SYNPO2: variants seen among roughly 807,000 people sequenced by gnomAD.
The protein encoded by SYNPO2 is synaptopodin 2, also known as synaptopodin-2.
A neutral mutation model predicts 85.0 loss-of-function variants in SYNPO2; 56 were observed. That is an observed-to-expected ratio of 0.66 (90% CI 0.53 to 0.82). The LOEUF (loss-of-function observed/expected upper bound fraction) is 0.82, where lower values mean the gene tolerates loss of function less well. SYNPO2 is among the 40% of genes least tolerant of loss of function. SYNPO2 has a pLI of 0.00. For synonymous variants in SYNPO2, 602 were observed against 591.1 expected (o/e 1.02, Z -0.27); for missense variants, 1,575 against 1,534.2 (o/e 1.03, Z -0.44).
chr4:118,991,058 A>G (rs1337569713), intron 1 of SYNPO2, among the ~76,000 whole-genome samples: 1 of 152,196 alleles, frequency 6.6e-6, no homozygotes. Context: ...TGCAGCTAAT[A>G]CCATCAGTTC....
At chr4:118,992,106 A>T (rs574683876) in intron 1 of SYNPO2, among the ~76,000 whole-genome samples, 1 of 152,310 alleles carries the variant, frequency 6.6e-6, no homozygotes, top group Admixed American at 6.5e-5. Flanking sequence ...CTAGGGAGGT[A>T]GGTGGAGGTC....
intron 1 of SYNPO2, among the ~76,000 whole-genome samples, chr4:118,894,456 A>G (rs916117397): frequency 6.6e-6 from 1 of 152,032 alleles, no homozygotes; most frequent in Non-Finnish European, 1.5e-5. Context: ...GGAGACTAGC[A>G]GTTTATTTCC....
chr4:119,010,249 A>T (rs1737239694), intron 1 of SYNPO2, among the ~76,000 whole-genome samples: 1 of 152,160 alleles, frequency 6.6e-6, no homozygotes, highest in Non-Finnish European at 1.5e-5. Context: ...CTGTTTTCAC[A>T]CTGCTGATAA....
chr4:119,008,864 A>C (rs1476033254), intron 1 of SYNPO2, among the ~76,000 whole-genome samples: 4 of 152,150 alleles, frequency 2.6e-5, no homozygotes, highest in African/African-American at 9.7e-5. Flanking sequence ...CATATTATTT[A>C]CAACTAATTT....
intron 1 of SYNPO2, among the ~76,000 whole-genome samples, chr4:118,909,571 T>C (rs1331923024): frequency 6.6e-6 from 1 of 152,198 alleles, no homozygotes; most frequent in African/African-American, 2.4e-5. Flanking sequence ...TGGAAGGGTG[T>C]TTTCCCACTC....
intron 1 of SYNPO2, among the ~76,000 whole-genome samples, chr4:118,893,304 C>T (rs1286777344): frequency 6.6e-6 from 1 of 152,118 alleles, no homozygotes; most frequent in Non-Finnish European, 1.5e-5. Flanking sequence ...ATAAAATATT[C>T]ATTATGCATG....
intron 1 of SYNPO2, among the ~76,000 whole-genome samples, chr4:119,002,429 T>A (rs1029339349): frequency 1.3e-5 from 2 of 152,102 alleles, no homozygotes; most frequent in South Asian, 2.1e-4. Context: ...CCTGGCTAAT[T>A]TTTGTATTGT....
At chr4:118,976,357 T>C (rs1346042131) in intron 1 of SYNPO2, among the ~76,000 whole-genome samples, 2 of 152,138 alleles carry the variant, frequency 1.3e-5, no homozygotes, top group African/African-American at 2.4e-5. Flanking sequence ...CTGCAGATCT[T>C]CGCGGTGAGT....
At chr4:118,961,461 T>C (rs1413012294) in intron 1 of SYNPO2, among the ~76,000 whole-genome samples, 1 of 152,152 alleles carries the variant, frequency 6.6e-6, no homozygotes, top group African/African-American at 2.4e-5. Flanking sequence ...AAACATACTT[T>C]TCCTAAATCT....
At chr4:118,935,393 G>T (rs1734066363) in intron 1 of SYNPO2, among the ~76,000 whole-genome samples, 1 of 152,150 alleles carries the variant, frequency 6.6e-6, no homozygotes, top group East Asian at 1.9e-4. Context: ...GGGCTTAATT[G>T]CTTAATTTTT....
At chr4:118,884,427 T>C (rs187035688), upstream of SYNPO2, among the ~76,000 whole-genome samples, 1 of 152,214 alleles carries the variant, frequency 6.6e-6, no homozygotes, top group Non-Finnish European at 1.5e-5. Flanking sequence ...GATTGGAGCA[T>C]ACATGAATTA....
rs1739252615 is a variant in SYNPO2, at chr4:119,057,617, G to T, written c.3469G>T (p.Val1157Leu). 1 of 1,614,128 alleles carries T rather than the reference G, an allele frequency of 6.2e-7. No homozygotes were observed. The highest frequency in any genetic ancestry group is 8.5e-7 in the Non-Finnish European group (1 of 1,180,022). The change falls in exon 5 of 5, where the codon GTG becomes TTG. Residue 1157 changes from valine (V) to leucine (L), a missense_variant. Coordinates refer to ENST00000307142, the MANE Select transcript of SYNPO2 (RefSeq NM_133477.3). Reference protein sequence around the residue: ...FQPRNIQESIVANVVSAARRK... With the variant: ...FQPRNIQESILANVVSAARRK... Reference sequence around the variant, plus strand: ...ACCCAGAAACATCCAGGAATCCATTGTGGCAAATGTGGTTTCAGCAGCTCG... The same window carrying T: ...ACCCAGAAACATCCAGGAATCCATTTTGGCAAATGTGGTTTCAGCAGCTCG...
intron 1 of SYNPO2, among the ~76,000 whole-genome samples, chr4:118,978,066 T>C (rs1442965798): frequency 6.6e-6 from 1 of 152,216 alleles, no homozygotes; most frequent in Non-Finnish European, 1.5e-5. Flanking sequence ...AATTTGTGGA[T>C]TGGGAATTTT....
At chr4:118,976,552 G>A (rs984244475) in intron 1 of SYNPO2, among the ~76,000 whole-genome samples, 9 of 152,110 alleles carry the variant, frequency 5.9e-5, no homozygotes, top group Admixed American at 5.2e-4. Context: ...TGGTAGAGCC[G>A]AGTGGCCTGT....
In SYNPO2 at chr4:119,031,898, C is replaced by A; in HGVS notation, c.3123C>A (p.Ser1041=). The change falls in exon 4 of 5, where the codon TCC becomes TCA. Residue 1041 remains serine (S), a synonymous_variant. Coordinates refer to ENST00000307142, the MANE Select transcript of SYNPO2 (RefSeq NM_133477.3). ...CTCCTTCCTTCTTTGCAGAGGCCTC[C>A]TCACCAGTCAGTGCATCCCCAGTGC... is the stretch of plus-strand genomic sequence containing the variant. ...TSPPSFFAEA[S]SPVSASPVPV... 6.2e-7 allele frequency: 1 copy of A among 1,614,230 alleles called. No homozygotes were observed.
At chr4:118,955,621 A>G (rs573428084) in intron 1 of SYNPO2, among the ~76,000 whole-genome samples, 1 of 152,334 alleles carries the variant, frequency 6.6e-6, no homozygotes, top group South Asian at 2.1e-4. Flanking sequence ...GAGCCGAAAT[A>G]TACAAAGCAT....
chr4:118,997,012 G>A (rs1277594269), intron 1 of SYNPO2, among the ~76,000 whole-genome samples: 1 of 151,612 alleles, frequency 6.6e-6, no homozygotes, highest in African/African-American at 2.4e-5. Flanking sequence ...AGGCCGAGGC[G>A]GGCGGATCAC....
intron 2 of SYNPO2, among the ~76,000 whole-genome samples, chr4:119,025,067 G>A (rs1737881498): frequency 6.6e-6 from 1 of 152,108 alleles, no homozygotes. Flanking sequence ...AAGGCATAAA[G>A]CTTTATTCGC....
chr4:119,009,991 T>C (rs750776063), intron 1 of SYNPO2, among the ~76,000 whole-genome samples: 1 of 152,214 alleles, frequency 6.6e-6, no homozygotes, highest in Non-Finnish European at 1.5e-5. Flanking sequence ...GTAGCAAGGA[T>C]GGGTTTTTCT....
Sources: gnomAD v4.1 joint callset for allele counts (sites outside exome capture counted in the v4.1 genomes callset) on GRCh38, gnomAD v4.1.1 for gene constraint, MANE v1.5 for transcripts, NCBI Gene and HGNC (gene_info 2026-07-23, HGNC 2026-07-21) for gene names.